LDLRAD4: variants seen among roughly 807,000 people sequenced by gnomAD.
The protein encoded by LDLRAD4 is low density lipoprotein receptor class A domain containing 4, also known as low-density lipoprotein receptor class A domain-containing protein 4.
Under a neutral mutation model 17.0 loss-of-function variants are expected in LDLRAD4, and 5 were observed. That is an observed-to-expected ratio of 0.29 (90% confidence interval 0.15 to 0.62). LDLRAD4 has a LOEUF of 0.62. LDLRAD4 is among the 20% of genes least tolerant of loss of function. LDLRAD4 has a pLI of 0.84. For missense variants in LDLRAD4, 340 were observed against 424.7 expected, an observed-to-expected ratio of 0.80 and a Z score of 1.75; for synonymous variants, 168 against 171.8, an observed-to-expected ratio of 0.98 and a Z score of 0.17.
Position 13,643,332 on chromosome 18 carries a change from C to CA in LDLRAD4, c.337-26dup. On this transcript the variant is annotated intron_variant, in intron 4 of 5. Transcript: ENST00000359446. ...ATTTTCCTCTGTTTCTTGTTCCCCC[C>CA]ACTCTCCTCCCCTTCCCCTCCGCCA... 7 of 1,451,276 alleles carry CA rather than the reference C, an allele frequency of 4.8e-6. 1 individual carries two copies. The South Asian group carries it at 9.3e-5, about 19-fold the overall frequency. 89.9% of individuals were successfully genotyped at this position (1,451,276 alleles called of 1,614,324 possible).
At chr18:13,410,576 G>T (rs181761499) in intron 2 of LDLRAD4, among the ~76,000 whole-genome samples, 2 of 152,206 alleles carry the variant, frequency 1.3e-5, no homozygotes, top group African/African-American at 4.8e-5. Context: ...GGCTTAATCT[G>T]CATTAATGGA....
At chr18:13,468,121 G>GA (rs147657075) in intron 3 of LDLRAD4, among the ~76,000 whole-genome samples, 8,615 of 149,390 alleles carry the variant, frequency 0.058, 790 homozygotes, top group African/African-American at 0.2. Context: ...AACAACAAAA[G>GA]AAAAAAAAAC....
intron 2 of LDLRAD4, among the ~76,000 whole-genome samples, chr18:13,410,376 A>G (rs1325872349): frequency 6.6e-6 from 1 of 152,222 alleles, no homozygotes; most frequent in African/African-American, 2.4e-5. Flanking sequence ...CTTAGTTTTG[A>G]TGATTGCACT....
chr18:13,602,559 C>G (rs2095176815), intron 3 of LDLRAD4, among the ~76,000 whole-genome samples: 1 of 139,866 alleles, frequency 7.1e-6, no homozygotes, highest in Non-Finnish European at 1.5e-5. Context: ...AGTGGAGTGG[C>G]ACAATCTCAG....
At chr18:13,422,320 G>T (rs2089546074) in intron 2 of LDLRAD4, among the ~76,000 whole-genome samples, 1 of 152,192 alleles carries the variant, frequency 6.6e-6, no homozygotes, top group South Asian at 2.1e-4. Flanking sequence ...CAAATCCGGA[G>T]AAATACTCTG....
chr18:13,478,178 T>C (rs1433601621), intron 3 of LDLRAD4, among the ~76,000 whole-genome samples: 4 of 152,200 alleles, frequency 2.6e-5, no homozygotes, highest in African/African-American at 9.6e-5. Flanking sequence ...CGGGGTTGTC[T>C]GAGAGCCTGC....
At chr18:13,530,960 A>T (rs752951610) in intron 3 of LDLRAD4, among the ~76,000 whole-genome samples, 6 of 152,190 alleles carry the variant, frequency 3.9e-5, no homozygotes, top group Non-Finnish European at 7.3e-5. Context: ...CCAAACCAAA[A>T]GTCTGGATTT....
chr18:13,524,428 C>T (rs2093999100), intron 3 of LDLRAD4, among the ~76,000 whole-genome samples: 1 of 152,062 alleles, frequency 6.6e-6, no homozygotes, highest in Admixed American at 6.5e-5. Flanking sequence ...GATCAAATAT[C>T]TTCACCTGGG....
intron 3 of LDLRAD4, chr18:13,520,116 C>CT (rs1335559329): frequency 1.3e-5 from 2 of 152,176 alleles, no homozygotes; most frequent in Non-Finnish European, 2.9e-5. Context: ...TTTGCCAGTT[C>CT]TTTTTTATCA....
chr18:13,408,450 C>T (rs965641476), intron 2 of LDLRAD4, among the ~76,000 whole-genome samples: 1 of 151,232 alleles, frequency 6.6e-6, no homozygotes, highest in South Asian at 2.1e-4. Context: ...ATAGAAGGCA[C>T]ACAGCTTTTT....
intron 3 of LDLRAD4, chr18:13,521,465 A>T (rs1055522271): frequency 6.6e-6 from 1 of 152,172 alleles, no homozygotes; most frequent in Non-Finnish European, 1.5e-5. Flanking sequence ...GAGAGTTGAA[A>T]GTATGACAGA....
At chr18:13,474,246 T>TGA (rs2092875872) in intron 3 of LDLRAD4, among the ~76,000 whole-genome samples, 1 of 152,118 alleles carries the variant, frequency 6.6e-6, no homozygotes, top group South Asian at 2.1e-4. Context: ...AATTACCCAG[T>TGA]TTCAGGTATT....
intron 3 of LDLRAD4, among the ~76,000 whole-genome samples, chr18:13,502,614 G>A (rs1397065316): frequency 1.3e-5 from 2 of 152,180 alleles, no homozygotes; most frequent in Non-Finnish European, 2.9e-5. Flanking sequence ...GCATCCAGCC[G>A]GTGGCAAAGG....
At chr18:13,306,892 A>G (rs2046947406) in intron 1 of LDLRAD4, among the ~76,000 whole-genome samples, 2 of 152,198 alleles carry the variant, frequency 1.3e-5, no homozygotes, top group Admixed American at 6.5e-5. Context: ...TTCAAGAGCT[A>G]GTAGACACCA....
At chr18:13,277,866 C>T (rs148030945), upstream of LDLRAD4, among the ~76,000 whole-genome samples, 308 of 152,298 alleles carry the variant, frequency 2.0e-3, no homozygotes, top group African/African-American at 6.9e-3. Context: ...ACTCGGTGCC[C>T]CTGTGACTGA....
intron 1 of LDLRAD4, among the ~76,000 whole-genome samples, chr18:13,313,994 C>A (rs1413138674): frequency 6.6e-6 from 1 of 151,970 alleles, no homozygotes; most frequent in Admixed American, 6.6e-5. Context: ...TAGATGTGAC[C>A]GCAACACATT....
At chr18:13,511,300 T>C (rs1291511272) in intron 3 of LDLRAD4, among the ~76,000 whole-genome samples, 6 of 152,152 alleles carry the variant, frequency 3.9e-5, no homozygotes, top group Non-Finnish European at 5.9e-5. Flanking sequence ...TTTGGGAGGC[T>C]GAGGCGGGCG....
intron 1 of LDLRAD4, among the ~76,000 whole-genome samples, chr18:13,305,317 G>A (rs2046848111): frequency 6.6e-6 from 1 of 152,158 alleles, no homozygotes; most frequent in South Asian, 2.1e-4. Context: ...AATCATAACT[G>A]CATAAAATTA....
upstream of LDLRAD4, among the ~76,000 whole-genome samples, chr18:13,275,457 C>T (rs2044805982): frequency 6.6e-6 from 1 of 152,210 alleles, no homozygotes; most frequent in Non-Finnish European, 1.5e-5. Context: ...ATGGGCTCTA[C>T]TCTGAAGGCT....
Sources: gnomAD v4.1 joint callset for allele counts (sites outside exome capture counted in the v4.1 genomes callset) on GRCh38, gnomAD v4.1.1 for gene constraint, MANE v1.5 for transcripts, NCBI Gene and HGNC (gene_info 2026-07-23, HGNC 2026-07-21) for gene names.